RPS6KC1: variants seen among roughly 807,000 people sequenced by gnomAD.
RPS6KC1 encodes the protein ribosomal protein S6 kinase C1.
In RPS6KC1, 54 loss-of-function variants were observed where a neutral mutation model predicts 103.8. The ratio of observed to expected loss-of-function variants is 0.52; its 90% CI spans 0.42 to 0.65. The LOEUF is 0.65. Ranked by LOEUF, RPS6KC1 falls within the 30% of genes least tolerant of loss-of-function variation. RPS6KC1 has a pLI of 0.00. For synonymous variants in RPS6KC1, 439 were observed against 438.7 expected (o/e 1.00, Z -0.01); for missense variants, 1,151 against 1,253.8 (o/e 0.92, Z 1.24).
At chr1:213,751,305 T>C in the RPS6KC1 span, among the ~76,000 whole-genome samples, 7 of 151,758 alleles carry the variant, frequency 4.6e-5, no homozygotes, top group Non-Finnish European at 1.0e-4. Flanking sequence ...TTGCCCAGAG[T>C]GGTGCTTCTT....
chr1:213,307,164 G>A, the RPS6KC1 span, among the ~76,000 whole-genome samples: 806 of 149,128 alleles, frequency 5.4e-3, 5 homozygotes, highest in Non-Finnish European at 8.4e-3. Context: ...ACGGGTTCAC[G>A]CCATTCTCCT....
At chr1:213,264,772 T>A (rs1371054165) in intron 14 of RPS6KC1, among the ~76,000 whole-genome samples, 1 of 151,598 alleles carries the variant, frequency 6.6e-6, no homozygotes, top group Admixed American at 6.6e-5. Flanking sequence ...GAGGTCACTT[T>A]AAAAAAAAAT....
chr1:213,146,405 C>T (rs991033814), intron 6 of RPS6KC1, among the ~76,000 whole-genome samples: 5 of 150,996 alleles, frequency 3.3e-5, no homozygotes, highest in Non-Finnish European at 5.9e-5. Context: ...GGAGTGTATG[C>T]GTAGCAGTGG....
At chr1:213,098,871 A>T (rs932768163) in intron 3 of RPS6KC1, among the ~76,000 whole-genome samples, 3 of 152,242 alleles carry the variant, frequency 2.0e-5, no homozygotes, top group African/African-American at 7.2e-5. Flanking sequence ...ATCTGTGAAG[A>T]GCAGTAAATT....
At chr1:213,431,649 G>T in the RPS6KC1 span, among the ~76,000 whole-genome samples, 1 of 122,114 alleles carries the variant, frequency 8.2e-6, no homozygotes, top group Non-Finnish European at 1.8e-5. Flanking sequence ...TCCATTGTTT[G>T]TGTGTATGTG....
the RPS6KC1 span, among the ~76,000 whole-genome samples, chr1:213,732,977 C>A: frequency 6.6e-6 from 1 of 152,088 alleles, no homozygotes; most frequent in East Asian, 1.9e-4. Flanking sequence ...ACAGGATTCC[C>A]TTCTTTTTAC....
chr1:213,693,135 C>A, the RPS6KC1 span, among the ~76,000 whole-genome samples: 3 of 152,322 alleles, frequency 2.0e-5, no homozygotes, highest in East Asian at 5.8e-4. Flanking sequence ...AGCCTCCCTT[C>A]CCTCTTGCCT....
the RPS6KC1 span, among the ~76,000 whole-genome samples, chr1:213,315,251 C>G: frequency 6.6e-6 from 1 of 152,148 alleles, no homozygotes; most frequent in Non-Finnish European, 1.5e-5. Context: ...AAGTCGAATC[C>G]CAGGTGGACT....
the RPS6KC1 span, among the ~76,000 whole-genome samples, chr1:213,517,630 A>G: frequency 1.3e-5 from 2 of 152,154 alleles, no homozygotes; most frequent in African/African-American, 4.8e-5. Flanking sequence ...ACATTTGCTG[A>G]GGAGTGCTTT....
intron 8 of RPS6KC1, among the ~76,000 whole-genome samples, chr1:213,215,222 A>T (rs899748427): frequency 6.6e-6 from 1 of 152,226 alleles, no homozygotes; most frequent in African/African-American, 2.4e-5. Flanking sequence ...CGAGAACTTC[A>T]TGACGAATGC....
chr1:213,399,979 T>A, the RPS6KC1 span, among the ~76,000 whole-genome samples: 1 of 152,184 alleles, frequency 6.6e-6, no homozygotes, highest in African/African-American at 2.4e-5. Flanking sequence ...GGGCATTGTG[T>A]TCTTCCAATT....
At chr1:213,151,211 G>T (rs1263811728) in intron 6 of RPS6KC1, among the ~76,000 whole-genome samples, 10 of 135,144 alleles carry the variant, frequency 7.4e-5, no homozygotes, top group African/African-American at 2.8e-4. Context: ...GGCTGGCCAG[G>T]CGGGGGGCTG....
intron 12 of RPS6KC1, among the ~76,000 whole-genome samples, chr1:213,258,871 G>C (rs1032513612): frequency 6.6e-6 from 1 of 152,164 alleles, no homozygotes; most frequent in African/African-American, 2.4e-5. Context: ...TGGGGGTGAG[G>C]GTTATGTATT....
At chr1:213,219,786 T>C (rs546003681) in intron 8 of RPS6KC1, among the ~76,000 whole-genome samples, 32 of 144,320 alleles carry the variant, frequency 2.2e-4, no homozygotes, top group Non-Finnish European at 3.3e-4. Context: ...CATGTTCTCA[T>C]TCATAGGTCG....
the RPS6KC1 span, among the ~76,000 whole-genome samples, chr1:213,506,836 T>C: frequency 6.6e-6 from 1 of 152,210 alleles, no homozygotes; most frequent in Non-Finnish European, 1.5e-5. Flanking sequence ...TAATAATTCC[T>C]GGGGGATTTT....
the RPS6KC1 span, among the ~76,000 whole-genome samples, chr1:213,363,644 T>C: frequency 4.8e-5 from 3 of 62,622 alleles, no homozygotes; most frequent in African/African-American, 4.3e-4. Flanking sequence ...CTTTCTTTCT[T>C]TCTTTCTTTC....
At chr1:213,576,373 T>TTG in the RPS6KC1 span, among the ~76,000 whole-genome samples, 1 of 133,698 alleles carries the variant, frequency 7.5e-6, no homozygotes, top group Admixed American at 7.6e-5. Context: ...TACTGTGGGT[T>TTG]TTTTTTTTTT....
chr1:213,432,078 AAGTGCC>A, the RPS6KC1 span, among the ~76,000 whole-genome samples: 2 of 152,168 alleles, frequency 1.3e-5, no homozygotes, highest in Non-Finnish European at 2.9e-5. Context: ...TGTTTTTGAG[AAGTGCC>A]AGTATAAGTC....
chr1:213,842,006 C>T, the RPS6KC1 span: 1 of 152,240 alleles, frequency 6.6e-6, no homozygotes, highest in African/African-American at 2.4e-5. Flanking sequence ...CTTTTATTTA[C>T]ACCAGCTTTT....
Sources: gnomAD v4.1 joint callset for allele counts (sites outside exome capture counted in the v4.1 genomes callset) on GRCh38, gnomAD v4.1.1 for gene constraint, MANE v1.5 for transcripts, NCBI Gene and HGNC (gene_info 2026-07-23, HGNC 2026-07-21) for gene names.